Variants in SOX5 observed in about 807,000 individuals in gnomAD.
SOX5 encodes the protein SRY-box transcription factor 5.
Under a neutral mutation model 92.0 loss-of-function variants are expected in SOX5, and 9 were observed. That is an observed-to-expected ratio of 0.10 (90% CI 0.06 to 0.17). SOX5 has a LOEUF of 0.17. Ranked by LOEUF, SOX5 falls within the 10% of genes least tolerant of loss-of-function variation. The probability of loss-of-function intolerance (pLI) is 1.00; values close to 1 mark genes in which losing one functional copy is unlikely to be tolerated. For synonymous variants in SOX5, 344 were observed against 336.3 expected (o/e 1.02, Z -0.25); for missense variants, 642 against 944.5 (o/e 0.68, Z 4.20).
chr12:24,047,613 C>T (rs529000801), intron 4 of SOX5, among the ~76,000 whole-genome samples: 1 of 152,156 alleles, frequency 6.6e-6, no homozygotes, highest in African/African-American at 2.4e-5. Flanking sequence ...GTGGGCATTA[C>T]CACATGGGAT....
chr12:24,142,307 A>G (rs972809843), intron 4 of SOX5, among the ~76,000 whole-genome samples: 7 of 152,138 alleles, frequency 4.6e-5, no homozygotes, highest in South Asian at 2.1e-4. Context: ...AAGTGTAACA[A>G]TGAACACCCA....
chr12:24,399,166 C>T (rs1245675235), intron 1 of SOX5, among the ~76,000 whole-genome samples: 1 of 151,884 alleles, frequency 6.6e-6, no homozygotes, highest in African/African-American at 2.4e-5. Context: ...GCTAAAATAG[C>T]TTTCTTTTCA....
chr12:24,149,048 G>T (rs1001929348), intron 4 of SOX5, among the ~76,000 whole-genome samples: 2 of 152,016 alleles, frequency 1.3e-5, no homozygotes, highest in Non-Finnish European at 2.9e-5. Flanking sequence ...TAAAAACTTC[G>T]ATCTCCACTT....
chr12:24,329,377 G>A (rs1951050109), intron 2 of SOX5, among the ~76,000 whole-genome samples: 1 of 152,082 alleles, frequency 6.6e-6, no homozygotes, highest in Non-Finnish European at 1.5e-5. Flanking sequence ...GTGTCCAAGA[G>A]AAGCAAAAAC....
chr12:23,692,832 T>C (rs1363981963), intron 6 of SOX5, among the ~76,000 whole-genome samples: 1 of 152,236 alleles, frequency 6.6e-6, no homozygotes, highest in South Asian at 2.1e-4. Flanking sequence ...CAAGCTGACA[T>C]ATAATCTGAG....
intron 6 of SOX5, among the ~76,000 whole-genome samples, chr12:23,674,445 C>T (rs2085331418): frequency 6.9e-6 from 1 of 145,318 alleles, no homozygotes; most frequent in Admixed American, 7.2e-5. Context: ...TCAAGCAATT[C>T]TCCTTCCTCA....
chr12:23,723,054 G>T (rs939199434), intron 6 of SOX5, among the ~76,000 whole-genome samples: 1 of 151,974 alleles, frequency 6.6e-6, no homozygotes, highest in Non-Finnish European at 1.5e-5. Context: ...TTTACCTTAC[G>T]GCAGCCCTAT....
intron 2 of SOX5, among the ~76,000 whole-genome samples, chr12:23,871,276 G>A (rs1354845134): frequency 6.6e-6 from 1 of 152,068 alleles, no homozygotes; most frequent in Non-Finnish European, 1.5e-5. Flanking sequence ...TACATTTTAT[G>A]TAACACACAA....
chr12:24,070,463 G>A (rs1343920018), intron 4 of SOX5, among the ~76,000 whole-genome samples: 1 of 152,080 alleles, frequency 6.6e-6, no homozygotes, highest in African/African-American at 2.4e-5. Flanking sequence ...AATATGGTGT[G>A]CCAAACTGAA....
At chr12:23,889,595 G>A (rs2097107495) in intron 2 of SOX5, among the ~76,000 whole-genome samples, 1 of 152,150 alleles carries the variant, frequency 6.6e-6, no homozygotes, top group Non-Finnish European at 1.5e-5. Flanking sequence ...CATGTGCATT[G>A]AATGAATTCT....
intron 6 of SOX5, among the ~76,000 whole-genome samples, chr12:23,707,769 C>A (rs555806798): frequency 6.6e-5 from 10 of 151,854 alleles, no homozygotes; most frequent in Non-Finnish European, 7.4e-5. Context: ...AAATAGGCAC[C>A]TCTTTCATAA....
At chr12:24,009,493 G>A (rs1952672897) in intron 4 of SOX5, among the ~76,000 whole-genome samples, 1 of 152,134 alleles carries the variant, frequency 6.6e-6, no homozygotes, top group Non-Finnish European at 1.5e-5. Context: ...AGCCACTGAA[G>A]AGATTCATGG....
chr12:23,923,301 G>GAATGAATGAATGAATGAATGAATA (rs1938995438), intron 1 of SOX5, among the ~76,000 whole-genome samples: 2 of 144,792 alleles, frequency 1.4e-5, no homozygotes, highest in African/African-American at 5.7e-5. Context: ...ATAAATGAAT[G>GAATGAATGAATGAATGAATGAATA]AATGAATGAA....
At chr12:23,863,455 A>T (rs1360415451) in intron 2 of SOX5, among the ~76,000 whole-genome samples, 1 of 152,184 alleles carries the variant, frequency 6.6e-6, no homozygotes, top group Non-Finnish European at 1.5e-5. Context: ...GCTTCAAGTT[A>T]AATAACAAAC....
At chr12:23,673,380 A>G (rs2085117786) in intron 6 of SOX5, among the ~76,000 whole-genome samples, 1 of 152,130 alleles carries the variant, frequency 6.6e-6, no homozygotes, top group South Asian at 2.1e-4. Context: ...CTTGACCACA[A>G]TACAGCATGG....
At chr12:24,289,712 C>A (rs979998506) in intron 2 of SOX5, among the ~76,000 whole-genome samples, 1 of 120,624 alleles carries the variant, frequency 8.3e-6, no homozygotes, top group African/African-American at 4.8e-5. Context: ...GCCTCGGCCT[C>A]CCAAAGTGCT....
rs1447914454 is a variant in SOX5 at position 24,166,353 on chromosome 12, AC to A, written c.-2+46989del. ...GTTCAGCCAGCCAATGAATATACAG[AC>A]CTCCCGTTCAAGAGAAAAGTGTGAG... On this transcript the variant is annotated intron_variant, in intron 4 of 4. Transcript: ENST00000446891. 3.3e-5 allele frequency among the ~76,000 whole-genome samples: 5 copies of A among 152,236 alleles called. No individual in the cohort carries two copies. In the South Asian group the frequency reaches 1.0e-3, roughly 32 times the overall value.
intron 4 of SOX5, among the ~76,000 whole-genome samples, chr12:24,063,386 C>G (rs1940101195): frequency 6.6e-6 from 1 of 152,176 alleles, no homozygotes. Flanking sequence ...AATAAATACA[C>G]TTCAGTAATG....
At chr12:24,288,738 A>G (rs565936950) in intron 2 of SOX5, among the ~76,000 whole-genome samples, 1 of 116,188 alleles carries the variant, frequency 8.6e-6, no homozygotes. Flanking sequence ...CCTTGCAACA[A>G]TGCATGTCCA....
Sources: allele counts gnomAD v4.1 joint callset (sites outside exome capture counted in the v4.1 genomes callset), GRCh38; gene constraint gnomAD v4.1.1; transcripts MANE v1.5; gene names NCBI Gene and HGNC (gene_info 2026-07-23, HGNC 2026-07-21).